Variants in SLC39A10 observed in about 807,000 individuals in gnomAD.
SLC39A10 encodes the protein zinc transporter ZIP10.
In SLC39A10, 13 loss-of-function variants were observed where a neutral mutation model predicts 65.1. That is an observed-to-expected ratio of 0.20 (90% CI 0.13 to 0.32). The LOEUF is 0.32. Among genes scored for constraint, SLC39A10 ranks in the 10% least tolerant of loss-of-function variants. SLC39A10 has a pLI of 1.00. For missense variants in SLC39A10, 831 were observed against 1,018.4 expected, an observed-to-expected ratio of 0.82 and a Z score of 2.50; for synonymous variants, 321 against 342.2, an observed-to-expected ratio of 0.94 and a Z score of 0.68.
At chr2:195,683,568 G>T in intron 2 of SLC39A10, 131 bp from the exon 3 acceptor site, 2 of 664,090 alleles carry the variant, frequency 3.0e-6, no homozygotes, top group Non-Finnish European at 4.9e-6. Context: ...AGTTTTATTT[G>T]TAATAGATAT....
At chr2:195,720,601 A>G (rs1691997316) in intron 8 of SLC39A10, among the ~76,000 whole-genome samples, 1 of 152,238 alleles carries the variant, frequency 6.6e-6, no homozygotes, top group South Asian at 2.1e-4. Context: ...CTTATCATAT[A>G]AATTTCTTGA....
In SLC39A10 at chr2:195,718,177, T is replaced by G. The variant is rs187889423; in HGVS notation, c.2066-75T>G. 57 of 1,197,226 alleles carry G rather than the reference T, an allele frequency of 4.8e-5. No individual in the cohort carries two copies. In the African/African-American group the frequency reaches 7.9e-4, roughly 17 times the overall value. The allele number at this position is 1,197,226 out of a possible 1,614,324, so 74.2% of individuals were successfully genotyped here. ...ATTAATTTAGATAGGCAAAAGAAACTGCATCTGTCATTAATGAAAATGTGA... is the reference window on the plus strand; with the variant it reads ...ATTAATTTAGATAGGCAAAAGAAACGGCATCTGTCATTAATGAAAATGTGA... On this transcript the variant is annotated intron_variant, in intron 7 of 9. Coordinates refer to ENST00000359634, the MANE Select transcript of SLC39A10 (RefSeq NM_020342.3).
At chr2:195,706,259 TTAAA>T (rs1258350416) in intron 3 of SLC39A10, among the ~76,000 whole-genome samples, 1 of 151,944 alleles carries the variant, frequency 6.6e-6, no homozygotes, top group Non-Finnish European at 1.5e-5. Context: ...ATTATATTCT[TTAAA>T]TAAACAGCTT....
chr2:195,617,878 C>T (rs1367380498), intron 2 of SLC39A10, among the ~76,000 whole-genome samples: 79 of 150,934 alleles, frequency 5.2e-4, no homozygotes, highest in African/African-American at 1.7e-3. Flanking sequence ...TAGCTGGGAC[C>T]ACAGGTGCCC....
intron 2 of SLC39A10, among the ~76,000 whole-genome samples, chr2:195,619,763 C>G (rs968727383): frequency 3.9e-5 from 6 of 152,018 alleles, no homozygotes; most frequent in African/African-American, 1.5e-4. Flanking sequence ...AAAGCTGACA[C>G]AAGTCTGAGT....
chr2:195,722,265 ATG>A (rs2105836122), intron 8 of SLC39A10, among the ~76,000 whole-genome samples: 1 of 152,326 alleles, frequency 6.6e-6, no homozygotes, highest in South Asian at 2.1e-4. Context: ...CTTTTAGAAA[ATG>A]TGCATTTTTC....
chr2:195,681,284 T>C (rs1404627257), intron 2 of SLC39A10, among the ~76,000 whole-genome samples: 1 of 152,174 alleles, frequency 6.6e-6, no homozygotes, highest in Non-Finnish European at 1.5e-5. Context: ...CCCAGCACTT[T>C]GGGAGGCCGA....
chr2:195,695,442 TCTCA>T (rs1690913107), intron 3 of SLC39A10, among the ~76,000 whole-genome samples: 1 of 152,022 alleles, frequency 6.6e-6, no homozygotes, highest in Non-Finnish European at 1.5e-5. Flanking sequence ...TGAAGGTGGG[TCTCA>T]CTCCCACCAT....
intron 8 of SLC39A10, among the ~76,000 whole-genome samples, chr2:195,719,244 A>G (rs1691928469): frequency 6.6e-6 from 1 of 150,786 alleles, no homozygotes; most frequent in African/African-American, 2.4e-5. Flanking sequence ...CCTCGCTTTG[A>G]TTCGCTTTCC....
At chr2:195,627,502 T>A (rs1380851632) in intron 2 of SLC39A10, among the ~76,000 whole-genome samples, 1 of 152,142 alleles carries the variant, frequency 6.6e-6, no homozygotes, top group East Asian at 1.9e-4. Context: ...TTTATCCAAA[T>A]TAACATAACC....
At position 195,664,749 on chromosome 2, in the gene SLC39A10, A is replaced by G. The variant is rs114439632; in HGVS notation, c.-12+7468A>G. Among the ~76,000 whole-genome samples the G allele has an allele frequency of 6.7e-3, 1,018 of 152,320 alleles. 8 individuals are homozygous for G. Among genetic ancestry groups the G allele is most frequent in the African/African-American group, 0.023 (964 of 41,570 alleles). On this transcript the variant is annotated intron_variant, in intron 1 of 9. Coordinates refer to ENST00000359634, the MANE Select transcript of SLC39A10 (RefSeq NM_020342.3). The stretch of plus-strand genomic sequence containing the variant: ...CCAAGCTTAATTTCTCTAGAAATCA[A>G]TTTGGAAAGTAAGTATATGACAAAA...
At position 195,735,103 on chromosome 2, in the gene SLC39A10, T is replaced by TCAGTG; in HGVS notation, c.*62_*63insCAGTG. On this transcript the variant is annotated 3_prime_UTR_variant, in exon 10 of 10. Transcript: ENST00000359634. ...ACCATGCAGCTTTGCATCTGTTCCT[T>TCAGTG]GTACTGTATGCACATTGCTCAAAGG... 1 of 1,518,078 alleles carries TCAGTG rather than the reference T, an allele frequency of 6.6e-7. No individual in the cohort carries two copies. The highest frequency in any genetic ancestry group is 1.5e-5 in the African/African-American group (1 of 67,410). 94.0% of individuals were successfully genotyped at this position (1,518,078 alleles called of 1,614,324 possible).
chr2:195,632,413 C>T (rs1688605234), intron 2 of SLC39A10, among the ~76,000 whole-genome samples: 1 of 149,146 alleles, frequency 6.7e-6, no homozygotes. Flanking sequence ...GATTCTCCTG[C>T]CTCAGCCTCC....
rs558990667 is a variant in SLC39A10 at position 195,629,764 on chromosome 2, C to T, written c.-12+23531C>T. Among the ~76,000 whole-genome samples the T allele has an allele frequency of 3.3e-5, 5 of 152,274 alleles. No individual in the cohort carries two copies. In the South Asian group the frequency reaches 1.0e-3, roughly 32 times the overall value. On this transcript the variant is annotated intron_variant, in intron 2 of 2. Transcript: ENST00000458054. ...ATAACTTTCTTTTAAGACAATCTCG[C>T]TCTTGTCATCCAGGCTAAAGTAAAG...
upstream of SLC39A10, among the ~76,000 whole-genome samples, chr2:195,655,288 T>C (rs1054798139): frequency 6.6e-6 from 1 of 152,138 alleles, no homozygotes; most frequent in Non-Finnish European, 1.5e-5. Context: ...AGTATTTCAG[T>C]ATTTGATTAG....
chr2:195,696,240 T>A (rs1397867039), intron 3 of SLC39A10, among the ~76,000 whole-genome samples: 1 of 152,098 alleles, frequency 6.6e-6, no homozygotes, highest in Non-Finnish European at 1.5e-5. Flanking sequence ...TCTGTTTTTG[T>A]TTTTCAAGTT....
intron 2 of SLC39A10, among the ~76,000 whole-genome samples, chr2:195,633,521 GAGGGCAGAGGGTCT>G (rs1559009367): frequency 6.6e-6 from 1 of 152,232 alleles, no homozygotes; most frequent in Non-Finnish European, 1.5e-5. Context: ...CTCTGCCAGT[GAGGGCAGAGGGTCT>G]AGTGTGACAG....
At chr2:195,720,734 C>T (rs1692003859) in intron 8 of SLC39A10, among the ~76,000 whole-genome samples, 1 of 152,212 alleles carries the variant, frequency 6.6e-6, no homozygotes, top group African/African-American at 2.4e-5. Context: ...ATAATCTTAT[C>T]TCTTGTTCAT....
chr2:195,668,411 A>G (rs944762062), intron 1 of SLC39A10, among the ~76,000 whole-genome samples: 12 of 152,222 alleles, frequency 7.9e-5, no homozygotes, highest in Admixed American at 3.3e-4. Flanking sequence ...ATTATCCAGG[A>G]TGAGGGTTTT....
Sources: allele counts gnomAD v4.1 joint callset (sites outside exome capture counted in the v4.1 genomes callset), GRCh38; gene constraint gnomAD v4.1.1; transcripts MANE v1.5; gene names NCBI Gene and HGNC (gene_info 2026-07-23, HGNC 2026-07-21).